The following CELF2 variants were observed in gnomAD, a reference collection of about 807,000 sequenced individuals.
CELF2 encodes CUG triplet repeat RNA-binding protein 2.
Under a neutral mutation model 62.6 loss-of-function variants are expected in CELF2, and 8 were observed. The observed-to-expected ratio is 0.13, with a 90% CI of 0.07 to 0.23. CELF2 has a LOEUF of 0.23. CELF2 is among the 10% of genes least tolerant of loss of function. The pLI is 1.00. For missense variants in CELF2, 333 were observed against 671.0 expected (o/e 0.50, Z 5.56); for synonymous variants, 258 against 250.0 (o/e 1.03, Z -0.30).
chr10:11,188,719 A>C (rs1346150078), intron 2 of CELF2, among the ~76,000 whole-genome samples: 1 of 152,158 alleles, frequency 6.6e-6, no homozygotes, highest in Admixed American at 6.5e-5. Flanking sequence ...CTTTTGTCAG[A>C]TATTTTTAAT....
At chr10:10,667,312 T>A in the CELF2 span, among the ~76,000 whole-genome samples, 2 of 152,198 alleles carry the variant, frequency 1.3e-5, no homozygotes, top group Non-Finnish European at 2.9e-5. Context: ...GTCGATGCTG[T>A]TAAAACGACC....
At chr10:10,919,856 A>C in intron 1 of CELF2, 2 of 647,858 alleles carry the variant, frequency 3.1e-6, no homozygotes, top group Non-Finnish European at 4.4e-6. Flanking sequence ...CATGTACGGT[A>C]TCTTCTTTAT....
At chr10:10,542,740 C>T in the CELF2 span, among the ~76,000 whole-genome samples, 1 of 152,134 alleles carries the variant, frequency 6.6e-6, no homozygotes, top group Non-Finnish European at 1.5e-5. Context: ...ATTGACCAAG[C>T]CCTAGCCATT....
the CELF2 span, among the ~76,000 whole-genome samples, chr10:10,762,653 C>T: frequency 6.6e-6 from 1 of 152,178 alleles, no homozygotes; most frequent in Non-Finnish European, 1.5e-5. Context: ...TTCTGGGATT[C>T]ACACCCAATA....
the CELF2 span, among the ~76,000 whole-genome samples, chr10:10,689,018 AG>A: frequency 3.3e-5 from 5 of 151,888 alleles, no homozygotes; most frequent in South Asian, 2.1e-4. Context: ...CTAAAAAAAA[AG>A]TAGTTAAATT....
At chr10:11,054,895 A>G (rs1239132877) in intron 1 of CELF2, among the ~76,000 whole-genome samples, 3 of 152,084 alleles carry the variant, frequency 2.0e-5, no homozygotes, top group Non-Finnish European at 4.4e-5. Flanking sequence ...TTGTATTTTT[A>G]GTACAGATGG....
At chr10:11,068,147 C>T (rs2068665030) in intron 1 of CELF2, among the ~76,000 whole-genome samples, 1 of 152,192 alleles carries the variant, frequency 6.6e-6, no homozygotes, top group Non-Finnish European at 1.5e-5. Context: ...TACTGTGTGT[C>T]ATGTCTGATT....
intron 5 of CELF2, among the ~76,000 whole-genome samples, chr10:11,263,061 A>G (rs1453717561): frequency 2.0e-5 from 3 of 149,366 alleles, no homozygotes; most frequent in Non-Finnish European, 4.4e-5. Flanking sequence ...AATTGAAATG[A>G]CAAGTGTAAT....
chr10:11,113,218 T>C (rs1457608660), intron 1 of CELF2, among the ~76,000 whole-genome samples: 2 of 152,256 alleles, frequency 1.3e-5, no homozygotes, highest in Non-Finnish European at 2.9e-5. Flanking sequence ...AGGTAATATA[T>C]AAGCACTTTG....
the CELF2 span, among the ~76,000 whole-genome samples, chr10:10,782,738 CT>C: frequency 6.6e-6 from 1 of 152,172 alleles, no homozygotes; most frequent in Non-Finnish European, 1.5e-5. Flanking sequence ...ATTCACCTTC[CT>C]TTGCTCTCTT....
the CELF2 span, among the ~76,000 whole-genome samples, chr10:10,786,940 C>G: frequency 6.7e-5 from 10 of 149,640 alleles, no homozygotes; most frequent in African/African-American, 7.4e-5. Flanking sequence ...GAAGGAAAAG[C>G]TACAGGGCAG....
At chr10:10,688,047 C>T in the CELF2 span, among the ~76,000 whole-genome samples, 3 of 152,320 alleles carry the variant, frequency 2.0e-5, no homozygotes, top group South Asian at 2.1e-4. Context: ...ATGATATTCG[C>T]GAACAAGTTT....
rs757336014 is a variant in CELF2, at chr10:11,145,263, A to T, written c.75-20223A>T. On this transcript the variant is annotated intron_variant, in intron 1 of 12. Coordinates refer to ENST00000633077, the MANE Select transcript of CELF2 (RefSeq NM_001326342.2). The surrounding 1 kb of genome is among the most constrained non-coding windows in gnomAD (Gnocchi z 4.3). ...GCTCAAGGTTTGTAATTGCTCTATA[A>T]GTGAGTCTCAGGCATCTGTGTGGCA... Among the ~76,000 whole-genome samples, 1 of 152,258 alleles carries T rather than the reference A, an allele frequency of 6.6e-6. No homozygotes were observed. The highest frequency in any genetic ancestry group is 1.9e-4 in the East Asian group (1 of 5,202).
At chr10:10,644,146 G>A in the CELF2 span, among the ~76,000 whole-genome samples, 1 of 152,188 alleles carries the variant, frequency 6.6e-6, no homozygotes, top group African/African-American at 2.4e-5. Context: ...ACAGACTCAT[G>A]TCTCCTGTCT....
At chr10:10,920,517 TAGAA>T (rs1162197433) in intron 2 of CELF2, among the ~76,000 whole-genome samples, 1 of 152,176 alleles carries the variant, frequency 6.6e-6, no homozygotes, top group Non-Finnish European at 1.5e-5. Context: ...TATTATATCA[TAGAA>T]AGAAATTAAT....
At chr10:10,768,324 A>G in the CELF2 span, among the ~76,000 whole-genome samples, 1 of 152,090 alleles carries the variant, frequency 6.6e-6, no homozygotes, top group African/African-American at 2.4e-5. Flanking sequence ...AAAGCCCTGC[A>G]TGGGATTAGT....
chr10:10,941,280 GC>G (rs2047022067), intron 2 of CELF2, among the ~76,000 whole-genome samples: 1 of 152,048 alleles, frequency 6.6e-6, no homozygotes, highest in South Asian at 2.1e-4. Flanking sequence ...GTGTTTTCCT[GC>G]CCCCAGGGTC....
the CELF2 span, among the ~76,000 whole-genome samples, chr10:10,473,428 A>G: frequency 3.9e-5 from 6 of 152,024 alleles, no homozygotes; most frequent in African/African-American, 9.7e-5. Context: ...GCGATGTGAT[A>G]TATTTGTTGT....
At chr10:11,079,247 G>A (rs1489392733) in intron 1 of CELF2, among the ~76,000 whole-genome samples, 1 of 152,114 alleles carries the variant, frequency 6.6e-6, no homozygotes, top group Non-Finnish European at 1.5e-5. Flanking sequence ...CTGAACTAAA[G>A]TCCTCTCACC....
Sources: gnomAD v4.1 joint callset for allele counts (sites outside exome capture counted in the v4.1 genomes callset) on GRCh38, gnomAD v4.1.1 for gene constraint, Gnocchi (gnomAD v3.1) non-coding constraint, MANE v1.5 for transcripts, NCBI Gene and HGNC (gene_info 2026-07-23, HGNC 2026-07-21) for gene names.